Variants in ERCC6L2 observed in about 807,000 individuals in gnomAD.
ERCC6L2 encodes DNA excision repair protein ERCC-6-like 2.
A neutral mutation model predicts 132.0 loss-of-function variants in ERCC6L2; 77 were observed. That is an observed-to-expected ratio of 0.58 (90% CI 0.49 to 0.71). The LOEUF (loss-of-function observed/expected upper bound fraction) is 0.71. Among genes scored for constraint, ERCC6L2 ranks in the 30% least tolerant of loss-of-function variants. ERCC6L2 has a pLI of 0.00. For synonymous variants in ERCC6L2, 583 were observed against 632.4 expected, an observed-to-expected ratio of 0.92 and a Z score of 1.17; for missense variants, 1,542 against 1,837.6, an observed-to-expected ratio of 0.84 and a Z score of 2.94.
At position 95,928,137 on chromosome 9, in the gene ERCC6L2, C is replaced by G. The variant is rs377215343; in HGVS notation, c.1592C>G (p.Ser531Cys). ...AACAGAGATAAAGTTCTTCTCTTTT[C>G]TTTTTCCACCAAGGTGAGTTCATCT... ...RKNRDKVLLF[S>C]FSTKLLDVLQ... Residue 531 changes from serine to cysteine, a missense_variant, in exon 10 of 19, where the codon TCT becomes TGT. Coordinates refer to ENST00000653738, the MANE Select transcript of ERCC6L2 (RefSeq NM_020207.7). 1.8e-5 allele frequency: 29 copies of G among 1,611,396 alleles called. No homozygotes were observed. Among genetic ancestry groups the G allele is most frequent in the Non-Finnish European group, 2.3e-5 (27 of 1,178,164 alleles).
intron 6 of ERCC6L2, among the ~76,000 whole-genome samples, chr9:95,917,431 T>G (rs1335661442): frequency 1.3e-5 from 2 of 152,212 alleles, no homozygotes; most frequent in Non-Finnish European, 2.9e-5. Flanking sequence ...TGAAATGCCC[T>G]CTAATTTTAG....
chr9:96,023,800 C>A (rs1564310358), intron 19 of ERCC6L2, among the ~76,000 whole-genome samples: 2 of 152,130 alleles, frequency 1.3e-5, no homozygotes, highest in Non-Finnish European at 2.9e-5. Flanking sequence ...TAAGGATGAT[C>A]TGAAATATAC....
intron 12 of ERCC6L2, chr9:95,954,768 C>G (rs780530049): frequency 2.1e-6 from 1 of 471,152 alleles, no homozygotes; most frequent in South Asian, 1.5e-5. Context: ...TGCTGAGCCC[C>G]TCTCCTCTGC....
At chr9:95,927,942 TGAAAG>T (rs1250603918) in intron 9 of ERCC6L2, 132 bp from the exon 10 acceptor site, 1 of 557,036 alleles carries the variant, frequency 1.8e-6, no homozygotes, top group Non-Finnish European at 3.2e-6. Flanking sequence ...TTGGAAAAAA[TGAAAG>T]GAATTAGAAA....
intron 2 of ERCC6L2, among the ~76,000 whole-genome samples, chr9:95,888,877 T>G (rs1361873410): frequency 6.6e-6 from 1 of 152,210 alleles, no homozygotes; most frequent in Non-Finnish European, 1.5e-5. Flanking sequence ...ATTACCACAA[T>G]ACCTATTAGT....
intron 4 of ERCC6L2, among the ~76,000 whole-genome samples, chr9:95,913,341 T>C (rs1587893369): frequency 6.6e-6 from 1 of 152,242 alleles, no homozygotes; most frequent in African/African-American, 2.4e-5. Context: ...AAAAGCAAGG[T>C]GAATGCTCGA....
intron 3 of ERCC6L2, among the ~76,000 whole-genome samples, chr9:95,899,022 C>G (rs1828615896): frequency 1.3e-5 from 2 of 152,162 alleles, no homozygotes; most frequent in Admixed American, 1.3e-4. Context: ...CAGTTGTTCC[C>G]TGGTTCTAAA....
chr9:96,040,678 T>C (rs1486614011), intron 20 of ERCC6L2, among the ~76,000 whole-genome samples: 2 of 152,254 alleles, frequency 1.3e-5, no homozygotes, highest in African/African-American at 4.8e-5. Flanking sequence ...TCCGTATGCG[T>C]GGCCCATGGC....
intron 12 of ERCC6L2, among the ~76,000 whole-genome samples, chr9:95,949,163 G>A (rs1038551825): frequency 6.6e-6 from 1 of 152,128 alleles, no homozygotes; most frequent in Non-Finnish European, 1.5e-5. Flanking sequence ...TTGAAGATAG[G>A]TTATTTAAAA....
chr9:95,955,457 G>T (rs1831553941), intron 12 of ERCC6L2, among the ~76,000 whole-genome samples: 1 of 148,594 alleles, frequency 6.7e-6, no homozygotes, highest in African/African-American at 2.6e-5. Context: ...CATCATCCCA[G>T]AATTTTCCTT....
intron 2 of ERCC6L2, among the ~76,000 whole-genome samples, chr9:95,886,149 G>C (rs1382579471): frequency 6.6e-6 from 1 of 152,058 alleles, no homozygotes; most frequent in Non-Finnish European, 1.5e-5. Context: ...CCAAGTAGCT[G>C]GGACCATAGT....
At chr9:96,038,692 G>A (rs888341285) in intron 19 of ERCC6L2, among the ~76,000 whole-genome samples, 1 of 152,248 alleles carries the variant, frequency 6.6e-6, no homozygotes, top group Non-Finnish European at 1.5e-5. Context: ...GGTGACTGCT[G>A]TCATGTGGGA....
In ERCC6L2 at chr9:95,984,666, A is replaced by T. The variant is rs184742112; in HGVS notation, c.3492+6451A>T. Among the ~76,000 whole-genome samples the T allele has an allele frequency of 7.2e-5, 11 of 152,292 alleles. No homozygotes were observed. The East Asian group carries it at 2.1e-3, about 29-fold the overall frequency. Reference sequence around the variant, plus strand: ...ATCTCTCTTTTCTAATAAACTCTGAACTTTGAAATAGTAAGATATGTCTGA... The same window carrying T: ...ATCTCTCTTTTCTAATAAACTCTGATCTTTGAAATAGTAAGATATGTCTGA... On this transcript the variant is annotated intron_variant, in intron 17 of 18. Transcript: ENST00000653738.
At chr9:95,900,160 A>G (rs1352756503) in intron 3 of ERCC6L2, among the ~76,000 whole-genome samples, 2 of 152,088 alleles carry the variant, frequency 1.3e-5, no homozygotes, top group Non-Finnish European at 2.9e-5. Context: ...CTGATGCTGG[A>G]GGATCGCCCA....
chr9:95,999,918 C>G lies in ERCC6L2; in HGVS notation c.3493-4602C>G, dbSNP rs80040656. On this transcript the variant is annotated intron_variant, in intron 17 of 18. Coordinates refer to ENST00000653738, the MANE Select transcript of ERCC6L2 (RefSeq NM_020207.7). ...CAATTTTTTTTTTTTTTGAGACAGT[C>G]TCACTCCATTGCCAGGCTGGAGTGC... is the stretch of plus-strand genomic sequence containing the variant. 3.8e-3 allele frequency among the ~76,000 whole-genome samples: 552 copies of G among 147,084 alleles called. 6 individuals carry two copies. The highest frequency in any genetic ancestry group is 0.013 in the African/African-American group (517 of 39,762).
intron 11 of ERCC6L2, among the ~76,000 whole-genome samples, chr9:95,931,724 C>T (rs1830346939): frequency 6.6e-6 from 1 of 151,846 alleles, no homozygotes; most frequent in African/African-American, 2.4e-5. Flanking sequence ...TTTGGGAACT[C>T]GTAAGAGTTT....
intron 13 of ERCC6L2, among the ~76,000 whole-genome samples, chr9:95,964,537 C>T (rs1564268326): frequency 1.3e-5 from 2 of 152,212 alleles, no homozygotes; most frequent in East Asian, 3.9e-4. Flanking sequence ...CCTAATAACC[C>T]GTGGTAAGGA....
intron 13 of ERCC6L2, among the ~76,000 whole-genome samples, chr9:95,962,442 A>AGT (rs1831950451): frequency 6.6e-6 from 1 of 152,156 alleles, no homozygotes; most frequent in African/African-American, 2.4e-5. Flanking sequence ...CATTTGTTTA[A>AGT]AAAACAAAGG....
At chr9:95,889,854 A>G (rs767659142) in intron 2 of ERCC6L2, among the ~76,000 whole-genome samples, 6 of 152,212 alleles carry the variant, frequency 3.9e-5, no homozygotes, top group Non-Finnish European at 8.8e-5. Context: ...AAAATTGTGA[A>G]CATGCATCAA....
Sources: allele counts gnomAD v4.1 joint callset (sites outside exome capture counted in the v4.1 genomes callset), GRCh38; gene constraint gnomAD v4.1.1; transcripts MANE v1.5; gene names NCBI Gene and HGNC (gene_info 2026-07-23, HGNC 2026-07-21).